The following PDE9A variants were observed in gnomAD, a reference collection of about 807,000 sequenced individuals.
PDE9A encodes the protein phosphodiesterase 9A.
PDE9A carries 60 observed loss-of-function variants against 87.4 expected under a neutral mutation model. The observed-to-expected ratio is 0.69, with a 90% confidence interval of 0.56 to 0.85. PDE9A has a LOEUF of 0.85. PDE9A is among the 40% of genes least tolerant of loss of function. The pLI is 0.00. For synonymous variants in PDE9A, 272 were observed against 279.4 expected, an observed-to-expected ratio of 0.97 and a Z score of 0.27; for missense variants, 665 against 779.0, an observed-to-expected ratio of 0.85 and a Z score of 1.74.
intron 7 of PDE9A, among the ~76,000 whole-genome samples, chr21:42,740,595 A>G (rs926497801): frequency 4.2e-5 from 2 of 47,584 alleles, no homozygotes; most frequent in Non-Finnish European, 9.9e-5. Context: ...GGATGGATGG[A>G]TGGATGGATG....
At chr21:42,752,204 C>G (rs2054511095) in intron 9 of PDE9A, among the ~76,000 whole-genome samples, 1 of 152,130 alleles carries the variant, frequency 6.6e-6, no homozygotes, top group African/African-American at 2.4e-5. Flanking sequence ...TCCATTAGTC[C>G]GTGATTCTAT....
Position 42,733,372 on chromosome 21 carries a change from G to A in PDE9A, c.514G>A (p.Glu172Lys), listed in dbSNP as rs1284153882. 5.0e-6 allele frequency: 8 copies of A among 1,593,908 alleles called. No individual in the cohort carries two copies. In the South Asian group the frequency reaches 6.6e-5, roughly 13 times the overall value. Residue 172 changes from glutamate (E) to lysine (K), a missense_variant, in exon 7 of 20, where the codon GAA (glutamate) becomes AAA (lysine). Transcript: ENST00000291539. Reference protein sequence around the residue: ...EQFSRAFKINELKAEVANHLA... With the variant: ...EQFSRAFKINKLKAEVANHLA... ...CATTCCTAGAGCATTCAAAATCAAT[G>A]AACTGAAAGCTGAAGTTGCAAATCA... is the stretch of plus-strand genomic sequence containing the variant.
intron 1 of PDE9A, among the ~76,000 whole-genome samples, chr21:42,657,821 T>C (rs2057199756): frequency 1.3e-5 from 2 of 152,234 alleles, no homozygotes; most frequent in African/African-American, 4.8e-5. Context: ...ACACTCGCAC[T>C]GTGCGCGGCC....
chr21:42,688,861 T>A (rs757753452), intron 3 of PDE9A, among the ~76,000 whole-genome samples: 16 of 152,338 alleles, frequency 1.1e-4, no homozygotes, highest in Admixed American at 3.3e-4. Context: ...AAAGTGCATG[T>A]CAGGCAGACC....
chr21:42,750,612 A>C (rs1234817702), intron 8 of PDE9A, among the ~76,000 whole-genome samples: 3 of 150,650 alleles, frequency 2.0e-5, no homozygotes, highest in Non-Finnish European at 1.5e-5. Flanking sequence ...TGTTGCCCAG[A>C]CTGGCCAGGC....
intron 8 of PDE9A, among the ~76,000 whole-genome samples, chr21:42,749,090 G>A (rs573216225): frequency 3.9e-5 from 6 of 152,270 alleles, no homozygotes; most frequent in Admixed American, 2.6e-4. Flanking sequence ...ATCACACCAC[G>A]GTGAATATCT....
intron 4 of PDE9A, among the ~76,000 whole-genome samples, chr21:42,703,251 C>T (rs1323777078): frequency 6.6e-6 from 1 of 152,202 alleles, no homozygotes. Flanking sequence ...CAGGCAGAGT[C>T]AGGGCAGGCG....
intron 9 of PDE9A, among the ~76,000 whole-genome samples, chr21:42,753,070 G>A (rs921326317): frequency 2.0e-5 from 3 of 152,172 alleles, no homozygotes; most frequent in Non-Finnish European, 4.4e-5. Flanking sequence ...GCAGTGGCAC[G>A]ATCTTGGCTC....
chr21:42,770,712 A>G lies in PDE9A; in HGVS notation c.1600A>G (p.Met534Val). 6.2e-7 allele frequency: 1 copy of G among 1,613,090 alleles called. No individual in the cohort carries two copies. The highest frequency in any genetic ancestry group is 8.5e-7 in the Non-Finnish European group (1 of 1,179,102). ...MFETVTKLFP[M>V]VEEIMLQPLW... Reference sequence around the variant, plus strand: ...CGTGTGTCTCTCCCAGCTCTTCCCCATGGTTGAGGAGATCATGCTGCAGCC... The same window carrying G: ...CGTGTGTCTCTCCCAGCTCTTCCCCGTGGTTGAGGAGATCATGCTGCAGCC... Residue 534 changes from methionine to valine, a missense_variant, in exon 18 of 20, where the codon ATG (methionine) becomes GTG (valine). Coordinates refer to ENST00000291539, the MANE Select transcript of PDE9A (RefSeq NM_002606.3).
At chr21:42,753,926 A>T in intron 9 of PDE9A, 64 bp from the exon 10 acceptor site, 1 of 786,550 alleles carries the variant, frequency 1.3e-6, no homozygotes, top group Non-Finnish European at 2.2e-6. Context: ...GAAATATCTC[A>T]GCATGCACAT....
chr21:42,690,039 G>T, intron 3 of PDE9A: 1 of 985,384 alleles, frequency 1.0e-6, no homozygotes, highest in South Asian at 4.7e-5. Flanking sequence ...AGACAGACGC[G>T]GATGAGGATA....
At chr21:42,689,597 T>C in intron 3 of PDE9A, 1 of 985,420 alleles carries the variant, frequency 1.0e-6, no homozygotes, top group Non-Finnish European at 1.2e-6. Context: ...TTTCCTGAAG[T>C]CATTTGAAAC....
chr21:42,760,973 A>G lies in PDE9A; in HGVS notation c.1085+66A>G. ...CCCTGGCTACTGGAGGGAACCTGTC[A>G]GCCCAACCCTCAGAGCAGTTCCCAG... On this transcript the variant is annotated intron_variant, in intron 13 of 19. Transcript: ENST00000291539. This position sits in a 1 kb window ranked among gnomAD's most constrained non-coding sequence, Gnocchi z 5.2. 1 of 1,032,888 alleles carries G rather than the reference A, an allele frequency of 9.7e-7. No individual in the cohort carries two copies. Among genetic ancestry groups the G allele is most frequent in the Non-Finnish European group, 1.5e-6 (1 of 653,728 alleles). The allele number at this position is 1,032,888 out of a possible 1,614,324, so 64.0% of individuals were successfully genotyped here.
At chr21:42,748,111 A>T (rs1405286039) in intron 8 of PDE9A, among the ~76,000 whole-genome samples, 1 of 152,248 alleles carries the variant, frequency 6.6e-6, no homozygotes, top group Non-Finnish European at 1.5e-5. Flanking sequence ...GAAGATTTCC[A>T]TAACCCTCCT....
intron 7 of PDE9A, among the ~76,000 whole-genome samples, chr21:42,740,633 ACAT>A (rs2053076515): frequency 2.1e-5 from 1 of 47,152 alleles, no homozygotes; most frequent in African/African-American, 6.8e-5. Flanking sequence ...ATGAATGGAT[ACAT>A]AGATGAATGG....
intron 8 of PDE9A, among the ~76,000 whole-genome samples, chr21:42,747,658 T>G (rs2054004747): frequency 6.6e-6 from 1 of 152,178 alleles, no homozygotes; most frequent in South Asian, 2.1e-4. Context: ...AACTGCCAGC[T>G]TACATTTAGG....
At chr21:42,668,964 C>T (rs373338357) in intron 1 of PDE9A, among the ~76,000 whole-genome samples, 9 of 150,392 alleles carry the variant, frequency 6.0e-5, no homozygotes, top group Admixed American at 5.3e-4. Context: ...CGGCTGAGCC[C>T]TCCGTGTCTC....
In PDE9A at chr21:42,653,736, G is replaced by GCCCCCCCCCCCCCCCCCCC; in HGVS notation, c.-78_-77insCCCCCCCCCCCCCCCCCCC. The GCCCCCCCCCCCCCCCCCCC allele has an allele frequency of 2.7e-6, 1 of 369,124 alleles. No homozygotes were observed. The highest frequency in any genetic ancestry group is 2.9e-5 in the African/African-American group (1 of 35,080). The allele number at this position is 369,124 out of a possible 1,614,324, so 22.9% of individuals were successfully genotyped here. On this transcript the variant is annotated 5_prime_UTR_variant, in exon 1 of 20. Transcript: ENST00000291539. ...CCGCCCCCCGCCCGCCCCCTCCCCT[G>GCCCCCCCCCCCCCCCCCCC]CTCCCCTCCCCCGCCTCCCGCGGCG...
At chr21:42,662,694 C>G (rs978058583) in intron 1 of PDE9A, among the ~76,000 whole-genome samples, 5 of 148,762 alleles carry the variant, frequency 3.4e-5, no homozygotes, top group African/African-American at 7.5e-5. Flanking sequence ...CACACATGCA[C>G]ACACCATGCA....
Sources: gnomAD v4.1 joint callset for allele counts (sites outside exome capture counted in the v4.1 genomes callset) on GRCh38, gnomAD v4.1.1 for gene constraint, Gnocchi (gnomAD v3.1) non-coding constraint, MANE v1.5 for transcripts, NCBI Gene and HGNC (gene_info 2026-07-23, HGNC 2026-07-21) for gene names.